Variants in FAAH2 observed in about 807,000 individuals in gnomAD.
The protein encoded by FAAH2 is fatty acid amide hydrolase 2, also known as fatty-acid amide hydrolase 2.
Under a neutral mutation model 36.9 loss-of-function variants are expected in FAAH2, and 60 were observed. That is an observed-to-expected ratio of 1.63 (90% CI 1.32 to 2.02). The LOEUF (loss-of-function observed/expected upper bound fraction) is 2.02. Ranked by LOEUF, FAAH2 falls within the 30% of genes most tolerant of loss-of-function variation. The pLI is 0.00. For missense variants in FAAH2, 689 were observed against 397.5 expected (o/e 1.73, Z -6.23); for synonymous variants, 214 against 143.8 (o/e 1.49, Z -3.49).
At chrX:57,323,476 C>T (rs926745367) in intron 3 of FAAH2, among the ~76,000 whole-genome samples, 19 of 111,507 alleles carry the variant, frequency 1.7e-4, no homozygotes, top group Non-Finnish European at 3.0e-4. Context: ...CCTATTACTC[C>T]ACATCCTCTC....
intron 5 of FAAH2, among the ~76,000 whole-genome samples, chrX:57,370,419 A>G (rs1301911502): frequency 1.8e-5 from 2 of 111,533 alleles, no homozygotes; most frequent in Non-Finnish European, 3.8e-5. Context: ...ATTCAGCAAA[A>G]GGATATAACA....
intron 10 of FAAH2, among the ~76,000 whole-genome samples, chrX:57,470,757 A>T: frequency 8.9e-6 from 1 of 111,768 alleles, no homozygotes; most frequent in East Asian, 2.8e-4. Flanking sequence ...TGAGGCCAGC[A>T]TCATCCTAAT....
the FAAH2 span, among the ~76,000 whole-genome samples, chrX:57,222,057 C>A: frequency 7.2e-5 from 8 of 111,205 alleles, no homozygotes; most frequent in Non-Finnish European, 1.5e-4. Flanking sequence ...AAAATATGCA[C>A]CCCCCTCAGT....
chrX:57,187,896 A>T, the FAAH2 span, among the ~76,000 whole-genome samples: 1 of 111,870 alleles, frequency 8.9e-6, no homozygotes, highest in African/African-American at 3.3e-5. Context: ...CCAGCCTTGC[A>T]TCTCAAGGAT....
At chrX:57,194,714 T>C in the FAAH2 span, among the ~76,000 whole-genome samples, 3 of 110,828 alleles carry the variant, frequency 2.7e-5, no homozygotes, top group Non-Finnish European at 5.7e-5. Context: ...GTACCCAATG[T>C]GTAATCTTTT....
chrX:57,431,838 G>A, intron 7 of FAAH2, 80 bp from the exon 8 acceptor site: 3 of 735,092 alleles, frequency 4.1e-6, no homozygotes, highest in Non-Finnish European at 3.4e-6. Context: ...TTTCTGCTCT[G>A]CCATCTTGCT....
intron 8 of FAAH2, among the ~76,000 whole-genome samples, chrX:57,445,364 T>G (rs1482366482): frequency 1.8e-5 from 2 of 111,685 alleles, no homozygotes; most frequent in African/African-American, 6.5e-5. Context: ...TCTGTTTTTA[T>G]GCTGAGTTGT....
the FAAH2 span, among the ~76,000 whole-genome samples, chrX:57,192,731 C>T: frequency 8.9e-6 from 1 of 111,980 alleles, no homozygotes; most frequent in Non-Finnish European, 1.9e-5. Context: ...GTGAAGATTT[C>T]GTGGACATTT....
chrX:57,323,580 G>A (rs1486258671), intron 3 of FAAH2, among the ~76,000 whole-genome samples: 4 of 111,288 alleles, frequency 3.6e-5, no homozygotes, highest in African/African-American at 6.5e-5. Context: ...TTCTCTGATG[G>A]ACAGTGATGA....
intron 7 of FAAH2, among the ~76,000 whole-genome samples, chrX:57,418,262 G>A (rs1602593053): frequency 9.0e-6 from 1 of 111,146 alleles, no homozygotes; most frequent in Admixed American, 9.5e-5. Context: ...AGTGTTCCAG[G>A]CGCCACCGGG....
chrX:57,139,690 G>A, the FAAH2 span, among the ~76,000 whole-genome samples: 2 of 111,317 alleles, frequency 1.8e-5, no homozygotes, highest in Non-Finnish European at 3.8e-5. Flanking sequence ...TCCTGACCTC[G>A]TGATCCGCCC....
chrX:57,266,138 A>G, the FAAH2 span, among the ~76,000 whole-genome samples: 4 of 111,555 alleles, frequency 3.6e-5, no homozygotes, highest in African/African-American at 9.8e-5. Flanking sequence ...CAACTCCGTG[A>G]TCCCATTCCT....
intron 3 of FAAH2, among the ~76,000 whole-genome samples, chrX:57,324,448 G>T (rs1008687795): frequency 9.0e-6 from 1 of 111,669 alleles, no homozygotes; most frequent in Non-Finnish European, 1.9e-5. Context: ...CCATTTTCAT[G>T]ATATTGATTC....
At chrX:57,371,742 C>A (rs2054557119) in intron 5 of FAAH2, among the ~76,000 whole-genome samples, 1 of 110,568 alleles carries the variant, frequency 9.0e-6, no homozygotes, top group African/African-American at 3.3e-5. Flanking sequence ...TATGATTGAA[C>A]CTGTTACCCA....
At chrX:57,251,548 A>G in the FAAH2 span, among the ~76,000 whole-genome samples, 1 of 112,061 alleles carries the variant, frequency 8.9e-6, no homozygotes, top group African/African-American at 3.2e-5. Context: ...ATTGGAAACG[A>G]GTTAAAATGT....
chrX:57,480,733 A>T (rs766447953), intron 10 of FAAH2, among the ~76,000 whole-genome samples: 13 of 110,622 alleles, frequency 1.2e-4, no homozygotes, highest in South Asian at 7.8e-4. Context: ...GCTCTTCTTG[A>T]GGAGTATCTT....
chrX:57,228,769 C>G, the FAAH2 span, among the ~76,000 whole-genome samples: 1 of 111,935 alleles, frequency 8.9e-6, no homozygotes, highest in Non-Finnish European at 1.9e-5. Context: ...GGTAACAAAA[C>G]TTTGCTCCAT....
chrX:57,146,531 C>T, the FAAH2 span, among the ~76,000 whole-genome samples: 3 of 111,883 alleles, frequency 2.7e-5, no homozygotes, highest in Non-Finnish European at 5.7e-5. Context: ...TTGACTTCCT[C>T]TTTACCAATA....
At chrX:57,414,773 A>G (rs2055795373) in intron 7 of FAAH2, among the ~76,000 whole-genome samples, 1 of 109,867 alleles carries the variant, frequency 9.1e-6, no homozygotes, top group East Asian at 2.8e-4. Flanking sequence ...ATTGTTTGGA[A>G]GAGTTACAGA....
Sources: gnomAD v4.1 joint callset for allele counts (sites outside exome capture counted in the v4.1 genomes callset) on GRCh38, gnomAD v4.1.1 for gene constraint, MANE v1.5 for transcripts, NCBI Gene and HGNC (gene_info 2026-07-23, HGNC 2026-07-21) for gene names.